Variants in SLC25A48 observed in about 807,000 individuals in gnomAD.
The protein encoded by SLC25A48 is CTC-321K16.1.
Under a neutral mutation model 32.2 loss-of-function variants are expected in SLC25A48, and 29 were observed. That is an observed-to-expected ratio of 0.90 (90% CI 0.67 to 1.23). The LOEUF (loss-of-function observed/expected upper bound fraction) is 1.23, where lower values mean the gene tolerates loss of function less well. Ranked by LOEUF, SLC25A48 falls within the 50% of genes most tolerant of loss-of-function variation. The pLI, the probability that SLC25A48 is intolerant of heterozygous loss-of-function variation, is 0.00. For missense variants in SLC25A48, 399 were observed against 422.7 expected (o/e 0.94, Z 0.49); for synonymous variants, 164 against 172.3 (o/e 0.95, Z 0.38).
At chr5:135,637,082 G>C (rs1404855644) in intron 3 of SLC25A48, among the ~76,000 whole-genome samples, 1 of 152,198 alleles carries the variant, frequency 6.6e-6, no homozygotes, top group Non-Finnish European at 1.5e-5. Flanking sequence ...ATTTAGATTT[G>C]GAGTTGATAT....
At chr5:135,734,463 A>C (rs1263287410) in intron 3 of SLC25A48, among the ~76,000 whole-genome samples, 1 of 152,154 alleles carries the variant, frequency 6.6e-6, no homozygotes, top group Non-Finnish European at 1.5e-5. Context: ...TACCCGCAAC[A>C]GTTATGGAGG....
intron 3 of SLC25A48, among the ~76,000 whole-genome samples, chr5:135,741,891 G>A (rs1187469066): frequency 1.3e-5 from 2 of 152,132 alleles, no homozygotes; most frequent in South Asian, 2.1e-4. Flanking sequence ...AAAAAGAAGC[G>A]TGAATGTAAT....
At chr5:135,673,967 A>C (rs368780229) in intron 3 of SLC25A48, among the ~76,000 whole-genome samples, 2 of 151,860 alleles carry the variant, frequency 1.3e-5, no homozygotes, top group South Asian at 4.2e-4. Context: ...AGTTGTTCTA[A>C]GGCTCTCCTT....
chr5:135,882,417 A>T (rs888053360), intron 7 of SLC25A48, among the ~76,000 whole-genome samples: 5 of 152,134 alleles, frequency 3.3e-5, no homozygotes, highest in African/African-American at 1.2e-4. Context: ...TAGACCCAGG[A>T]CAGAGTGAGA....
intron 3 of SLC25A48, among the ~76,000 whole-genome samples, chr5:135,762,119 C>G (rs1756075651): frequency 6.6e-6 from 1 of 152,212 alleles, no homozygotes. Flanking sequence ...TTCTGTGCAG[C>G]CACATGTGGC....
At chr5:135,868,922 C>T (rs1761430298) in intron 4 of SLC25A48, among the ~76,000 whole-genome samples, 1 of 152,026 alleles carries the variant, frequency 6.6e-6, no homozygotes, top group Admixed American at 6.5e-5. Flanking sequence ...GTCACTCTTA[C>T]CTGGAAATGA....
At chr5:135,704,628 A>G (rs1369602943) in intron 3 of SLC25A48, among the ~76,000 whole-genome samples, 3 of 152,024 alleles carry the variant, frequency 2.0e-5, no homozygotes, top group Non-Finnish European at 2.9e-5. Flanking sequence ...TATGTTAAGA[A>G]CCTTACATGT....
chr5:135,775,985 C>T (rs1261893023), intron 3 of SLC25A48, among the ~76,000 whole-genome samples: 1 of 151,738 alleles, frequency 6.6e-6, no homozygotes, highest in East Asian at 1.9e-4. Context: ...CTCCCAATAT[C>T]ACAGGGGGTT....
At chr5:135,626,123 C>G (rs1752435486) in intron 1 of SLC25A48, among the ~76,000 whole-genome samples, 1 of 152,224 alleles carries the variant, frequency 6.6e-6, no homozygotes, top group South Asian at 2.1e-4. Flanking sequence ...CATGGCGAGG[C>G]TGGGACGCCA....
At chr5:135,714,359 A>G (rs901321094) in intron 3 of SLC25A48, among the ~76,000 whole-genome samples, 2 of 152,218 alleles carry the variant, frequency 1.3e-5, no homozygotes, top group African/African-American at 2.4e-5. Context: ...CGACTTGGAA[A>G]AGACGTGCTC....
At chr5:135,762,233 T>C (rs1756078305) in intron 3 of SLC25A48, among the ~76,000 whole-genome samples, 1 of 152,160 alleles carries the variant, frequency 6.6e-6, no homozygotes, top group Admixed American at 6.6e-5. Flanking sequence ...AGGAAATCTA[T>C]GTGTGCTAAT....
rs34277772 is a variant in SLC25A48, at chr5:135,780,160, C to CTTT, written c.-520-32340_-520-32338dup. ...CGTGCCTGTGTTATTGTTTCTTCGT[C>CTTT]TTTTTTTTTTTTTTTTTTTTTTTTT... On this transcript the variant is annotated intron_variant, in intron 3 of 10. Coordinates refer to the SLC25A48 transcript ENST00000646290. Among the ~76,000 whole-genome samples the CTTT allele has an allele frequency of 3.0e-3, 117 of 38,828 alleles. 1 individual carries two copies. The highest frequency in any genetic ancestry group is 3.6e-3 in the Non-Finnish European group (52 of 14,608). 25.5% of individuals were successfully genotyped at this position (38,828 alleles called of 152,430 possible). A position where few individuals can be genotyped will look rare whatever the true frequency, so the allele number is the denominator to read the frequency against.
intron 4 of SLC25A48, among the ~76,000 whole-genome samples, chr5:135,858,397 C>T (rs746982040): frequency 4.6e-5 from 7 of 152,202 alleles, no homozygotes; most frequent in African/African-American, 9.7e-5. Context: ...TTGGAGGACC[C>T]ACCTCTGCCG....
chr5:135,691,394 C>A (rs933863818), intron 3 of SLC25A48, among the ~76,000 whole-genome samples: 1 of 152,178 alleles, frequency 6.6e-6, no homozygotes, highest in Non-Finnish European at 1.5e-5. Flanking sequence ...CCGTGCTCTG[C>A]CCTGCTTCAG....
chr5:135,780,751 G>T (rs12659602), intron 3 of SLC25A48, among the ~76,000 whole-genome samples: 46,525 of 113,562 alleles, frequency 0.41, 18,080 homozygotes, highest in Middle Eastern at 0.67. Context: ...ATTGCAGGGG[G>T]TGAATACACC....
intron 1 of SLC25A48, among the ~76,000 whole-genome samples, chr5:135,583,800 C>T (rs1420576454): frequency 6.6e-6 from 1 of 152,176 alleles, no homozygotes; most frequent in African/African-American, 2.4e-5. Context: ...GAATCCAAGC[C>T]TGGCGGGTGC....
intron 4 of SLC25A48, 38 bp from the exon 5 acceptor site, chr5:135,871,423 C>G: frequency 1.3e-6 from 2 of 1,557,710 alleles, no homozygotes; most frequent in African/African-American, 1.4e-5. Flanking sequence ...CTCTTACACC[C>G]TGGGTCACTT....
intron 3 of SLC25A48, among the ~76,000 whole-genome samples, chr5:135,734,278 G>A (rs1030428656): frequency 6.6e-6 from 1 of 152,130 alleles, no homozygotes; most frequent in Non-Finnish European, 1.5e-5. Context: ...GGGTGGCAAT[G>A]AGGTGTGGCT....
At chr5:135,788,466 T>G (rs1233524486) in intron 3 of SLC25A48, among the ~76,000 whole-genome samples, 26 of 111,986 alleles carry the variant, frequency 2.3e-4, no homozygotes, top group Middle Eastern at 7.2e-3. Flanking sequence ...ATTATATTCG[T>G]GGGGGGAGAG....
Sources: gnomAD v4.1 joint callset for allele counts (sites outside exome capture counted in the v4.1 genomes callset) on GRCh38, gnomAD v4.1.1 for gene constraint, MANE v1.5 for transcripts, NCBI Gene and HGNC (gene_info 2026-07-23, HGNC 2026-07-21) for gene names.